The following RGS7BP variants were observed in gnomAD, a reference collection of about 807,000 sequenced individuals.
RGS7BP encodes the protein regulator of G protein signaling 7 binding protein.
A neutral mutation model predicts 31.3 loss-of-function variants in RGS7BP; 9 were observed. That is an observed-to-expected ratio of 0.29 (90% CI 0.17 to 0.50). The LOEUF is 0.50. Among genes scored for constraint, RGS7BP ranks in the 20% least tolerant of loss-of-function variants. The pLI is 0.98. For missense variants in RGS7BP, 274 were observed against 322.0 expected (o/e 0.85, Z 1.14); for synonymous variants, 115 against 120.1 (o/e 0.96, Z 0.28).
At chr5:64,523,182 G>GC (rs1438396607) in intron 2 of RGS7BP, among the ~76,000 whole-genome samples, 1 of 152,198 alleles carries the variant, frequency 6.6e-6, no homozygotes, top group Non-Finnish European at 1.5e-5. Flanking sequence ...CCCAGGTCCA[G>GC]CAGGGCCCCA....
At chr5:64,560,536 T>C (rs1742028001) in intron 2 of RGS7BP, among the ~76,000 whole-genome samples, 1 of 114,296 alleles carries the variant, frequency 8.7e-6, no homozygotes, top group African/African-American at 3.6e-5. Context: ...TAATAGTTAA[T>C]ATCATTGTAT....
chr5:64,579,964 T>A (rs1201031962), intron 3 of RGS7BP, among the ~76,000 whole-genome samples: 1 of 152,110 alleles, frequency 6.6e-6, no homozygotes, highest in African/African-American at 2.4e-5. Flanking sequence ...TGCCACTAGG[T>A]TTTGTTCTTT....
chr5:64,581,378 T>G (rs1742592763), intron 3 of RGS7BP, among the ~76,000 whole-genome samples: 1 of 152,168 alleles, frequency 6.6e-6, no homozygotes, highest in African/African-American at 2.4e-5. Context: ...TATGAGAGTC[T>G]CTAGTCAATT....
At chr5:64,508,611 A>G (rs1748756593) in intron 2 of RGS7BP, among the ~76,000 whole-genome samples, 1 of 152,198 alleles carries the variant, frequency 6.6e-6, no homozygotes, top group Admixed American at 6.5e-5. Context: ...AAAGTTAGCC[A>G]TGGATTTTGT....
chr5:64,580,965 G>A (rs866621550), intron 3 of RGS7BP, among the ~76,000 whole-genome samples: 1 of 152,142 alleles, frequency 6.6e-6, no homozygotes. Flanking sequence ...TGCAATCCTA[G>A]CACTTTGAGA....
chr5:64,589,590 C>A (rs2111942534), intron 3 of RGS7BP, among the ~76,000 whole-genome samples: 1 of 152,048 alleles, frequency 6.6e-6, no homozygotes, highest in Middle Eastern at 3.4e-3. Flanking sequence ...ATATTCATGA[C>A]ATTGAAAATG....
intron 2 of RGS7BP, among the ~76,000 whole-genome samples, chr5:64,508,765 G>A (rs184320949): frequency 1.8e-4 from 28 of 152,252 alleles, no homozygotes; most frequent in African/African-American, 4.8e-4. Context: ...TAGCTTTATC[G>A]CAGCAGAAGT....
At chr5:64,576,104 T>G (rs1742423845) in intron 3 of RGS7BP, among the ~76,000 whole-genome samples, 200 bp downstream of exon 3, 1 of 152,238 alleles carries the variant, frequency 6.6e-6, no homozygotes, top group South Asian at 2.1e-4. Context: ...CTGATTGTTT[T>G]GAACAGAAAT....
At chr5:64,508,506 G>A (rs1029405114) in intron 2 of RGS7BP, among the ~76,000 whole-genome samples, 8 of 152,122 alleles carry the variant, frequency 5.3e-5, no homozygotes, top group South Asian at 4.2e-4. Flanking sequence ...CAGATTTATC[G>A]TTTTTCTAGC....
intron 3 of RGS7BP, among the ~76,000 whole-genome samples, chr5:64,581,702 T>A (rs984926487): frequency 5.6e-4 from 85 of 152,242 alleles, no homozygotes; most frequent in African/African-American, 2.0e-3. Flanking sequence ...AAGCAACTTC[T>A]AACTGTCTTT....
rs560743577 is a variant in RGS7BP at position 64,611,265 on chromosome 5, C to T, written c.*2013C>T. The T allele has an allele frequency of 1.3e-5, 2 of 152,198 alleles. No homozygotes were observed. The highest frequency in any genetic ancestry group is 2.1e-4 in the South Asian group (1 of 4,828). The allele number at this position is 152,198 out of a possible 1,614,324, so 9.4% of individuals were successfully genotyped here. ...TGAAGTAGCCCAGTTTGGCAGCTCT[C>T]AGCACCTGCCTCTGCCCTCTCCTAT... On this transcript the variant is annotated 3_prime_UTR_variant, in exon 6 of 6. Transcript: ENST00000334025.
chr5:64,573,073 G>GT (rs1458790013), intron 2 of RGS7BP, among the ~76,000 whole-genome samples: 2 of 147,474 alleles, frequency 1.4e-5, no homozygotes, highest in Middle Eastern at 3.6e-3. Flanking sequence ...ACGGTGTTTG[G>GT]TTTTTTGTTC....
intron 3 of RGS7BP, among the ~76,000 whole-genome samples, chr5:64,579,902 GT>G (rs1364914610): frequency 2.0e-5 from 3 of 151,936 alleles, no homozygotes; most frequent in African/African-American, 7.3e-5. Context: ...TGTTTGTATT[GT>G]GTGCTAATTC....
At chr5:64,573,018 T>A (rs1742335641) in intron 2 of RGS7BP, among the ~76,000 whole-genome samples, 1 of 133,064 alleles carries the variant, frequency 7.5e-6, no homozygotes, top group African/African-American at 2.8e-5. Context: ...CCTTCTTGTG[T>A]CCATGTTTTC....
At chr5:64,570,978 CA>C (rs1406932158) in intron 2 of RGS7BP, among the ~76,000 whole-genome samples, 1 of 151,958 alleles carries the variant, frequency 6.6e-6, no homozygotes, top group Admixed American at 6.6e-5. Context: ...TAATCAAATG[CA>C]AATCTTAAGT....
At position 64,606,037 on chromosome 5, in the gene RGS7BP, T is replaced by TAGAG. The variant is rs1300056145; in HGVS notation, c.683-3123_683-3122insGAGA. 8.3e-5 allele frequency among the ~76,000 whole-genome samples: 10 copies of TAGAG among 121,010 alleles called. 1 individual carries two copies. The highest frequency in any genetic ancestry group is 2.4e-4 in the African/African-American group (8 of 32,938). 79.4% of individuals were successfully genotyped at this position (121,010 alleles called of 152,430 possible). Reference sequence around the variant, plus strand: ...ATCTGGATACATATATATATATATATATAGAGAGAGAGAGAGAGAGAGAAG... The same window carrying TAGAG: ...ATCTGGATACATATATATATATATATAGAGATAGAGAGAGAGAGAGAGAGAGAAG... On this transcript the variant is annotated intron_variant, in intron 5 of 5. Transcript: ENST00000334025.
intron 3 of RGS7BP, among the ~76,000 whole-genome samples, chr5:64,594,504 G>A (rs1036410080): frequency 6.6e-6 from 1 of 152,012 alleles, no homozygotes; most frequent in Non-Finnish European, 1.5e-5. Context: ...TGTCTTTCCC[G>A]GAATGTTGTG....
chr5:64,593,162 C>A (rs190089203), intron 3 of RGS7BP, among the ~76,000 whole-genome samples: 32 of 152,306 alleles, frequency 2.1e-4, no homozygotes, highest in Admixed American at 4.6e-4. Flanking sequence ...TCAATGTGTG[C>A]ATGTGCTCTG....
intron 3 of RGS7BP, among the ~76,000 whole-genome samples, chr5:64,589,410 C>T (rs562655742): frequency 6.6e-6 from 1 of 152,180 alleles, no homozygotes; most frequent in African/African-American, 2.4e-5. Flanking sequence ...ATGAATAAGA[C>T]AAACTGACTC....
Sources: allele counts gnomAD v4.1 joint callset (sites outside exome capture counted in the v4.1 genomes callset), GRCh38; gene constraint gnomAD v4.1.1; transcripts MANE v1.5; gene names NCBI Gene and HGNC (gene_info 2026-07-23, HGNC 2026-07-21).